The following DLGAP2 variants were observed in gnomAD, a reference collection of about 807,000 sequenced individuals.
DLGAP2 encodes the protein disks large-associated protein 2.
In DLGAP2, 26 loss-of-function variants were observed where a neutral mutation model predicts 100.3. The observed-to-expected ratio is 0.26, with a 90% confidence interval of 0.19 to 0.36. The LOEUF (loss-of-function observed/expected upper bound fraction) is 0.36. Among genes scored for constraint, DLGAP2 ranks in the 10% least tolerant of loss-of-function variants. DLGAP2 has a pLI of 1.00. For missense variants in DLGAP2, 1,858 were observed against 1,453.2 expected (o/e 1.28, Z -4.53); for synonymous variants, 886 against 630.1 (o/e 1.41, Z -6.08).
chr8:1,213,612 C>T (rs941018102), intron 2 of DLGAP2, among the ~76,000 whole-genome samples: 12 of 152,120 alleles, frequency 7.9e-5, no homozygotes, highest in African/African-American at 2.7e-4. Flanking sequence ...CAGGGGTAAG[C>T]AGCGTTCATG....
chr8:1,562,379 A>G (rs1437849473), intron 5 of DLGAP2, among the ~76,000 whole-genome samples: 3 of 39,996 alleles, frequency 7.5e-5, no homozygotes, highest in Non-Finnish European at 8.9e-5. Context: ...TTGCTGGGGG[A>G]CTGTGTGGTG....
Position 1,170,925 on chromosome 8 carries a change from GC to G in DLGAP2, c.74-87925del, listed in dbSNP as rs1431669040. On this transcript the variant is annotated intron_variant, in intron 2 of 14. Transcript: ENST00000637795. ...TTTAGTTATTTCTTGCCTTCTGCTA[GC>G]TTTTGAATGTGTTTGCTCTTGCTTC... Among the ~76,000 whole-genome samples the G allele has an allele frequency of 2.6e-4, 39 of 149,352 alleles. No homozygotes were observed. In the Admixed American group the frequency reaches 2.6e-3, roughly 10 times the overall value.
chr8:865,593 C>T lies in DLGAP2; in HGVS notation c.19-42319C>T, dbSNP rs138878851. On this transcript the variant is annotated intron_variant, in intron 1 of 14. Coordinates refer to ENST00000637795, the MANE Select transcript of DLGAP2 (RefSeq NM_001346810.2). ...ATCCTTTTCCTTCCAAATTGCTCAC[C>T]TCTCTCCAGCATATGCACTTCCGTG... Among the ~76,000 whole-genome samples the T allele has an allele frequency of 6.6e-3, 1,004 of 152,278 alleles. 7 individuals carry two copies. Among genetic ancestry groups the T allele is most frequent in the South Asian group, 0.021 (99 of 4,820 alleles).
intron 4 of DLGAP2, among the ~76,000 whole-genome samples, chr8:1,536,000 G>A (rs781602401): frequency 1.3e-5 from 2 of 152,216 alleles, no homozygotes; most frequent in Non-Finnish European, 2.9e-5. Context: ...AGAGTCTAGT[G>A]TGTCGGCTAT....
chr8:1,312,017 C>CA (rs1257288577), intron 3 of DLGAP2, among the ~76,000 whole-genome samples: 1 of 152,204 alleles, frequency 6.6e-6, no homozygotes, highest in Non-Finnish European at 1.5e-5. Flanking sequence ...AGAAATTCAG[C>CA]AATGACAGGG....
At chr8:1,455,467 G>A (rs926792763) in intron 3 of DLGAP2, among the ~76,000 whole-genome samples, 2 of 151,992 alleles carry the variant, frequency 1.3e-5, no homozygotes, top group South Asian at 2.1e-4. Context: ...GTCAACATTC[G>A]GGCCTGAGCC....
At chr8:1,267,633 ATAGG>A (rs141646628) in intron 3 of DLGAP2, among the ~76,000 whole-genome samples, 733 of 19,918 alleles carry the variant, frequency 0.037, 104 homozygotes, top group African/African-American at 0.11. Context: ...TAAATATTAA[ATAGG>A]TCTACAAAAA....
At chr8:1,500,914 G>A (rs1414255010) in intron 3 of DLGAP2, among the ~76,000 whole-genome samples, 1 of 152,322 alleles carries the variant, frequency 6.6e-6, no homozygotes, top group Non-Finnish European at 1.5e-5. Flanking sequence ...GCAAAATGAG[G>A]CTTCGAATGG....
Position 1,546,651 on chromosome 8 carries a change from C to G in DLGAP2, c.173-1975C>G, listed in dbSNP as rs371137337. Among the ~76,000 whole-genome samples, 158 of 152,288 alleles carry G rather than the reference C, an allele frequency of 1.0e-3. 1 individual carries two copies. The highest frequency in any genetic ancestry group is 3.6e-3 in the African/African-American group (150 of 41,556). ...TGGGGTTGGACACGATGGGAAAACT[C>G]TCACTCCCCATCACTCTGCTTGCTT... On this transcript the variant is annotated intron_variant, in intron 4 of 14. Transcript: ENST00000637795.
rs117334208 is a variant in DLGAP2 at position 1,432,822 on chromosome 8, G to A, written c.107-68544G>A. ...GATTAAACCAGGTTCAGCGGGAGTCGCCTGGTCCAGACACACTGGACCCCG... is the reference window on the plus strand; with the variant it reads ...GATTAAACCAGGTTCAGCGGGAGTCACCTGGTCCAGACACACTGGACCCCG... On this transcript the variant is annotated intron_variant, in intron 3 of 14. Transcript: ENST00000637795. Among the ~76,000 whole-genome samples the A allele has an allele frequency of 3.4e-3, 515 of 152,286 alleles. 1 individual carries two copies. Among genetic ancestry groups the A allele is most frequent in the Non-Finnish European group, 5.2e-3 (356 of 68,014 alleles).
At chr8:1,083,690 G>A (rs990308913) in intron 2 of DLGAP2, among the ~76,000 whole-genome samples, 1 of 152,268 alleles carries the variant, frequency 6.6e-6, no homozygotes. Context: ...TTTTGTTATG[G>A]CACACGGTTC....
At chr8:1,664,278 G>A (rs1798487708) in intron 8 of DLGAP2, among the ~76,000 whole-genome samples, 1 of 152,134 alleles carries the variant, frequency 6.6e-6, no homozygotes, top group African/African-American at 2.4e-5. Flanking sequence ...TTCCCGTGGT[G>A]GCATGGGTAC....
chr8:1,081,056 G>A (rs1050608732), intron 2 of DLGAP2, among the ~76,000 whole-genome samples: 2 of 152,070 alleles, frequency 1.3e-5, no homozygotes, highest in African/African-American at 4.8e-5. Context: ...TTTTATTGAG[G>A]TGATGATTAT....
intron 2 of DLGAP2, among the ~76,000 whole-genome samples, chr8:1,153,856 T>C (rs2129051814): frequency 6.6e-6 from 1 of 152,312 alleles, no homozygotes; most frequent in South Asian, 2.1e-4. Context: ...CATCTAGCAC[T>C]TTCCTTGGCA....
intron 12 of DLGAP2, among the ~76,000 whole-genome samples, chr8:1,683,888 GTGTGTGTGTA>G (rs1799032987): frequency 1.8e-5 from 2 of 108,726 alleles, no homozygotes; most frequent in African/African-American, 8.0e-5. Context: ...GTGTGTGTGT[GTGTGTGTGTA>G]TACACATATA....
intron 3 of DLGAP2, chr8:1,378,205 A>C (rs1337280338): frequency 1.1e-5 from 2 of 174,300 alleles, no homozygotes; most frequent in South Asian, 1.9e-4. Flanking sequence ...TGCACACCTG[A>C]CCTCACCTGT....
chr8:1,515,893 G>A (rs1800355759), intron 4 of DLGAP2, among the ~76,000 whole-genome samples: 1 of 152,238 alleles, frequency 6.6e-6, no homozygotes, highest in African/African-American at 2.4e-5. Context: ...AGAGGGATGG[G>A]CTTATTACAA....
At chr8:755,559 G>A (rs1820898569) in intron 1 of DLGAP2, among the ~76,000 whole-genome samples, 1 of 152,230 alleles carries the variant, frequency 6.6e-6, no homozygotes, top group South Asian at 2.1e-4. Flanking sequence ...TGGAAGCCCA[G>A]CGGAGAAGCG....
At chr8:950,622 CTTTTT>C (rs34631994) in intron 2 of DLGAP2, among the ~76,000 whole-genome samples, 4 of 130,512 alleles carry the variant, frequency 3.1e-5, no homozygotes, top group Admixed American at 7.8e-5. Context: ...TTTTCTTTTT[CTTTTT>C]TTTTTTTTTT....
Sources: allele counts gnomAD v4.1 joint callset (sites outside exome capture counted in the v4.1 genomes callset), GRCh38; gene constraint gnomAD v4.1.1; transcripts MANE v1.5; gene names NCBI Gene and HGNC (gene_info 2026-07-23, HGNC 2026-07-21).